The following MECOM variants were observed in gnomAD, a reference collection of about 807,000 sequenced individuals.
The protein encoded by MECOM is histone-lysine N-methyltransferase MECOM.
Under a neutral mutation model 116.3 loss-of-function variants are expected in MECOM, and 13 were observed. The ratio of observed to expected loss-of-function variants is 0.11; its 90% CI spans 0.07 to 0.18. MECOM has a LOEUF of 0.18. MECOM is among the 10% of genes least tolerant of loss of function. The pLI is 1.00. For synonymous variants in MECOM, 528 were observed against 535.2 expected (o/e 0.99, Z 0.19); for missense variants, 1,299 against 1,509.0 (o/e 0.86, Z 2.31).
chr3:169,581,259 T>C (rs2270407), intron 1 of MECOM, among the ~76,000 whole-genome samples: 7,751 of 152,220 alleles, frequency 0.051, 433 homozygotes, highest in East Asian at 0.32. Context: ...TCTCTGATCT[T>C]CAGATTCCTT....
At chr3:169,257,720 T>C (rs1436659434) in intron 2 of MECOM, among the ~76,000 whole-genome samples, 1 of 152,220 alleles carries the variant, frequency 6.6e-6, no homozygotes. Flanking sequence ...CTTTCCCTTT[T>C]TTCCATCGGG....
intron 2 of MECOM, among the ~76,000 whole-genome samples, chr3:169,215,826 T>G (rs1212718043): frequency 6.6e-6 from 1 of 152,230 alleles, no homozygotes; most frequent in East Asian, 1.9e-4. Flanking sequence ...ACTAGGGTCG[T>G]GCATATGGAT....
At chr3:169,438,341 C>T (rs1176070235) in intron 1 of MECOM, among the ~76,000 whole-genome samples, 2 of 152,054 alleles carry the variant, frequency 1.3e-5, no homozygotes, top group Admixed American at 6.6e-5. Context: ...CTTAATTGCA[C>T]CAGCAGACCC....
At position 169,649,725 on chromosome 3, in the gene MECOM, A is replaced by T. The variant is rs1196043262; in HGVS notation, c.37+13611T>A. Reference sequence around the variant, plus strand: ...TAATAGAGTAATGCCCTCATGGAACAACCAGTAAACATCCACACCAAAAAA... The same window carrying T: ...TAATAGAGTAATGCCCTCATGGAACTACCAGTAAACATCCACACCAAAAAA... On this transcript the variant is annotated intron_variant, in intron 1 of 16. Transcript: ENST00000651503. Among the ~76,000 whole-genome samples, 4 of 152,220 alleles carry T rather than the reference A, an allele frequency of 2.6e-5. No homozygotes were observed. In the East Asian group the frequency reaches 5.8e-4, roughly 22 times the overall value.
intron 1 of MECOM, among the ~76,000 whole-genome samples, chr3:169,658,465 C>T (rs533852020): frequency 4.7e-4 from 71 of 152,318 alleles, no homozygotes; most frequent in African/African-American, 1.7e-3. Context: ...GGTGTGCACA[C>T]GCATGTGTGG....
At chr3:169,610,028 G>T (rs1282169165) in intron 1 of MECOM, among the ~76,000 whole-genome samples, 2 of 152,144 alleles carry the variant, frequency 1.3e-5, no homozygotes, top group African/African-American at 2.4e-5. Context: ...CAAGCTGGAA[G>T]AAATCATTTT....
chr3:169,255,365 G>T (rs1327351887), intron 2 of MECOM, among the ~76,000 whole-genome samples: 1 of 152,018 alleles, frequency 6.6e-6, no homozygotes, highest in Non-Finnish European at 1.5e-5. Flanking sequence ...AAAACCTGGA[G>T]ACTTCATTTT....
intron 2 of MECOM, chr3:169,146,799 A>G (rs1257376298): frequency 8.8e-7 from 1 of 1,130,160 alleles, no homozygotes; most frequent in Non-Finnish European, 1.1e-6. Flanking sequence ...TAAAATAATC[A>G]GCAGCCCCCA....
intron 16 of MECOM, 129 bp downstream of exon 16, chr3:169,088,871 G>C (rs1454004713): frequency 1.3e-6 from 1 of 773,450 alleles, no homozygotes; most frequent in Non-Finnish European, 1.9e-6. Context: ...AACATTTTTA[G>C]AAAGGCATCT....
intron 9 of MECOM, among the ~76,000 whole-genome samples, chr3:169,112,526 C>A (rs975712196): frequency 1.3e-5 from 2 of 152,174 alleles, no homozygotes; most frequent in Non-Finnish European, 2.9e-5. Flanking sequence ...ATCCTGCTCA[C>A]TCCAAAATGC....
intron 1 of MECOM, among the ~76,000 whole-genome samples, chr3:169,545,619 C>T (rs564890913): frequency 6.6e-6 from 1 of 152,134 alleles, no homozygotes; most frequent in South Asian, 2.1e-4. Context: ...CAGTTTCAAC[C>T]GGATATTTCA....
chr3:169,102,109 C>T lies in MECOM; in HGVS notation c.2722G>A (p.Ala908Thr). Residue 908 changes from alanine to threonine, a missense_variant, in exon 11 of 17, where the codon GCC (alanine) becomes ACC (threonine). By Grantham distance (58) the Ala-to-Thr change is moderately conservative (BLOSUM62 0). Transcript: ENST00000651503. ...TTCCGCAGAAGGTTCTCTGGCAGGGCATTGGGAGGCGCCCTGAAGTTGAAC... is the reference window on the plus strand; with the variant it reads ...TTCCGCAGAAGGTTCTCTGGCAGGGTATTGGGAGGCGCCCTGAAGTTGAAC... ...SMFNFRAPPN[A>T]LPENLLRKGK... The T allele has an allele frequency of 6.2e-7, 1 of 1,613,762 alleles. No homozygotes were observed.
At chr3:169,213,923 C>T (rs1176448854) in intron 2 of MECOM, among the ~76,000 whole-genome samples, 1 of 152,054 alleles carries the variant, frequency 6.6e-6, no homozygotes, top group Non-Finnish European at 1.5e-5. Context: ...TTTCTTTAGT[C>T]TGTGACTGGA....
intron 2 of MECOM, among the ~76,000 whole-genome samples, chr3:169,356,490 C>G (rs975648207): frequency 6.6e-6 from 1 of 151,828 alleles, no homozygotes; most frequent in Non-Finnish European, 1.5e-5. Context: ...TCTGGGGTAC[C>G]GCGATAACAT....
intron 2 of MECOM, among the ~76,000 whole-genome samples, chr3:169,214,437 A>C (rs1751169665): frequency 6.6e-6 from 1 of 151,908 alleles, no homozygotes; most frequent in Non-Finnish European, 1.5e-5. Flanking sequence ...TAAAAAAAAA[A>C]AAAAACAAAC....
At chr3:169,335,154 G>A (rs1456174480) in intron 2 of MECOM, among the ~76,000 whole-genome samples, 1 of 151,980 alleles carries the variant, frequency 6.6e-6, no homozygotes, top group Non-Finnish European at 1.5e-5. Context: ...GCTCACCACT[G>A]GACTGAACAA....
intron 1 of MECOM, among the ~76,000 whole-genome samples, chr3:169,408,932 C>T (rs151191956): frequency 1.4e-4 from 21 of 152,114 alleles, no homozygotes; most frequent in Non-Finnish European, 8.8e-5. Context: ...CTCCTCACAG[C>T]TAGCATGGTG....
chr3:169,449,331 G>T (rs974417167), intron 1 of MECOM, among the ~76,000 whole-genome samples: 2 of 152,120 alleles, frequency 1.3e-5, no homozygotes, highest in Non-Finnish European at 2.9e-5. Flanking sequence ...GACAGAGAAA[G>T]CTCAGGTTAT....
chr3:169,509,724 T>C (rs1002415053), intron 1 of MECOM, among the ~76,000 whole-genome samples: 1 of 152,280 alleles, frequency 6.6e-6, no homozygotes, highest in African/African-American at 2.4e-5. Flanking sequence ...ATTCCTTTTG[T>C]ATGTTTACAC....
Sources: gnomAD v4.1 joint callset for allele counts (sites outside exome capture counted in the v4.1 genomes callset) on GRCh38, gnomAD v4.1.1 for gene constraint, MANE v1.5 for transcripts, NCBI Gene and HGNC (gene_info 2026-07-23, HGNC 2026-07-21) for gene names.